Variants in CAMTA1 observed in about 807,000 individuals in gnomAD.
CAMTA1 encodes calmodulin binding transcription activator 1, also known as calmodulin-binding transcription activator 1.
In CAMTA1, 27 loss-of-function variants were observed where a neutral mutation model predicts 170.9. That is an observed-to-expected ratio of 0.16 (90% CI 0.12 to 0.22). The LOEUF (loss-of-function observed/expected upper bound fraction) is 0.22. Among genes scored for constraint, CAMTA1 ranks in the 10% least tolerant of loss-of-function variants. The pLI is 1.00. For synonymous variants in CAMTA1, 833 were observed against 891.5 expected (o/e 0.93, Z 1.17); for missense variants, 1,619 against 2,217.2 (o/e 0.73, Z 5.42).
chr1:7,751,685 T>C (rs558150758), intron 20 of CAMTA1, among the ~76,000 whole-genome samples: 1 of 148,664 alleles, frequency 6.7e-6, no homozygotes, highest in Admixed American at 6.8e-5. Context: ...AAGTTACCAC[T>C]CAATTATAGT....
intron 3 of CAMTA1, among the ~76,000 whole-genome samples, chr1:6,885,061 TAAGC>T (rs1350408474): frequency 6.6e-6 from 1 of 152,232 alleles, no homozygotes; most frequent in African/African-American, 2.4e-5. Flanking sequence ...AAGTGGAAAT[TAAGC>T]AAGAAATTAA....
chr1:7,181,833 T>A (rs1043361892), intron 4 of CAMTA1, among the ~76,000 whole-genome samples: 5 of 151,924 alleles, frequency 3.3e-5, no homozygotes, highest in African/African-American at 1.2e-4. Context: ...TATCAGTAAG[T>A]TTTTTTATGG....
intron 2 of CAMTA1, 72 bp from the exon 3 acceptor site, chr1:6,825,020 G>A: frequency 1.2e-6 from 1 of 859,958 alleles, no homozygotes; most frequent in African/African-American, 1.7e-5. Flanking sequence ...TGCTATTTCT[G>A]ACTTTGTCAG....
chr1:7,648,107 A>G (rs1476247429), intron 7 of CAMTA1, among the ~76,000 whole-genome samples: 4 of 151,966 alleles, frequency 2.6e-5, no homozygotes, highest in Admixed American at 2.6e-4. Flanking sequence ...GAGAGAAGAG[A>G]AGAGGGCTGG....
intron 5 of CAMTA1, among the ~76,000 whole-genome samples, chr1:7,272,519 T>A (rs533628120): frequency 1.3e-5 from 2 of 151,430 alleles, no homozygotes; most frequent in Non-Finnish European, 3.0e-5. Flanking sequence ...GGTAATCAAG[T>A]CAGTGAGGTA....
intron 3 of CAMTA1, among the ~76,000 whole-genome samples, chr1:6,935,042 C>T (rs555395251): frequency 2.6e-4 from 39 of 152,250 alleles, no homozygotes; most frequent in Non-Finnish European, 3.4e-4. Flanking sequence ...TGGGAATATA[C>T]CTAGTCAATC....
intron 7 of CAMTA1, among the ~76,000 whole-genome samples, chr1:7,654,146 C>G (rs893185268): frequency 6.6e-6 from 1 of 151,804 alleles, no homozygotes; most frequent in Non-Finnish European, 1.5e-5. Flanking sequence ...TTCAGGAGGC[C>G]GAGGTGGGTG....
intron 3 of CAMTA1, among the ~76,000 whole-genome samples, chr1:6,920,619 AC>A (rs1345709565): frequency 1.6e-4 from 25 of 152,242 alleles, no homozygotes; most frequent in African/African-American, 5.5e-4. Context: ...TGAGGGTCCC[AC>A]CCCTGCAGCA....
intron 3 of CAMTA1, among the ~76,000 whole-genome samples, chr1:6,964,232 A>C (rs749393271): frequency 6.7e-6 from 1 of 149,830 alleles, no homozygotes; most frequent in Non-Finnish European, 1.5e-5. Context: ...AGCGTCCTGG[A>C]GGTCTGGGTA....
At chr1:7,165,005 C>G (rs1648080063) in intron 4 of CAMTA1, among the ~76,000 whole-genome samples, 1 of 152,172 alleles carries the variant, frequency 6.6e-6, no homozygotes, top group African/African-American at 2.4e-5. Flanking sequence ...GGAAAAGCTT[C>G]TTAAATAAAA....
intron 4 of CAMTA1, among the ~76,000 whole-genome samples, chr1:7,183,884 C>G (rs1016459240): frequency 1.3e-5 from 2 of 152,152 alleles, no homozygotes; most frequent in African/African-American, 4.8e-5. Flanking sequence ...TGTACCTAAA[C>G]AGAGCTGTTA....
intron 3 of CAMTA1, among the ~76,000 whole-genome samples, chr1:6,909,614 G>C (rs574668017): frequency 6.6e-6 from 1 of 152,336 alleles, no homozygotes; most frequent in Non-Finnish European, 1.5e-5. Context: ...GGGGCGTGGA[G>C]GGCTCTGGTC....
chr1:7,545,899 C>T (rs1343607832), intron 6 of CAMTA1, among the ~76,000 whole-genome samples: 1 of 150,986 alleles, frequency 6.6e-6, no homozygotes, highest in African/African-American at 2.4e-5. Flanking sequence ...CATGTGTTCT[C>T]ATTGTTCAGC....
intron 3 of CAMTA1, among the ~76,000 whole-genome samples, chr1:6,861,620 G>A (rs185677996): frequency 2.6e-5 from 4 of 152,282 alleles, no homozygotes; most frequent in Admixed American, 6.5e-5. Flanking sequence ...TTTAGGAAGT[G>A]CTGCTGTAGG....
chr1:6,950,653 C>A (rs920849798), intron 3 of CAMTA1, among the ~76,000 whole-genome samples: 1 of 152,100 alleles, frequency 6.6e-6, no homozygotes, highest in African/African-American at 2.4e-5. Context: ...AGTAGGTATC[C>A]CAGCCAGAAG....
At chr1:7,212,144 A>AGC (rs1441817215) in intron 4 of CAMTA1, among the ~76,000 whole-genome samples, 1 of 152,244 alleles carries the variant, frequency 6.6e-6, no homozygotes, top group Non-Finnish European at 1.5e-5. Context: ...TAATCAAAAT[A>AGC]CTGTGTTCAT....
chr1:7,663,855 C>G lies in CAMTA1; in HGVS notation c.1308C>G (p.Ser436Arg). 1 of 1,614,080 alleles carries G rather than the reference C, an allele frequency of 6.2e-7. No individual in the cohort carries two copies. Among genetic ancestry groups the G allele is most frequent in the South Asian group, 1.1e-5 (1 of 91,082 alleles). ...DASQGLVLAV[S>R]SDGHKFAFPT... is the part of the protein sequence containing the mutation. ...CTCAGGGCCTCGTCCTGGCCGTGAG[C>G]TCTGATGGCCACAAGTTCGCCTTTC... The change falls in exon 9 of 23, where the codon AGC becomes AGG. Residue 436 changes from serine to arginine, a missense_variant. Coordinates refer to ENST00000303635, the MANE Select transcript of CAMTA1 (RefSeq NM_015215.4).
At chr1:7,334,951 T>G (rs1435739166) in intron 5 of CAMTA1, among the ~76,000 whole-genome samples, 1 of 152,150 alleles carries the variant, frequency 6.6e-6, no homozygotes, top group Non-Finnish European at 1.5e-5. Context: ...GAGGAAGCTC[T>G]CATTTTGCAC....
rs149466978 is a variant in CAMTA1, at chr1:7,267,714, A to G, written c.438+18088A>G. ...AGGGGCCCTGTGATGGGCTTTTGTCACATGCTGATGAGTCATTTGCTGAGA... is the reference window on the plus strand; with the variant it reads ...AGGGGCCCTGTGATGGGCTTTTGTCGCATGCTGATGAGTCATTTGCTGAGA... On this transcript the variant is annotated intron_variant, in intron 5 of 22. Transcript: ENST00000303635. Among the ~76,000 whole-genome samples, 612 of 152,276 alleles carry G rather than the reference A, an allele frequency of 4.0e-3. 4 individuals carry two copies. The highest frequency in any genetic ancestry group is 0.014 in the African/African-American group (570 of 41,550).
Sources: allele counts gnomAD v4.1 joint callset (sites outside exome capture counted in the v4.1 genomes callset), GRCh38; gene constraint gnomAD v4.1.1; transcripts MANE v1.5; gene names NCBI Gene and HGNC (gene_info 2026-07-23, HGNC 2026-07-21).